Variants in NAV1 observed in about 807,000 individuals in gnomAD.
The protein encoded by NAV1 is pore membrane and/or filament interacting like protein 3.
Under a neutral mutation model 175.2 loss-of-function variants are expected in NAV1, and 18 were observed. That is an observed-to-expected ratio of 0.10 (90% CI 0.07 to 0.15). NAV1 has a LOEUF of 0.15. Ranked by LOEUF, NAV1 falls within the 10% of genes least tolerant of loss-of-function variation. NAV1 has a pLI of 1.00. For synonymous variants in NAV1, 897 were observed against 978.7 expected (o/e 0.92, Z 1.56); for missense variants, 1,731 against 2,436.6 (o/e 0.71, Z 6.10).
chr1:201,798,652 G>A (rs1677616900), intron 15 of NAV1: 1 of 145,574 alleles, frequency 6.9e-6, no homozygotes, highest in Non-Finnish European at 1.5e-5. Flanking sequence ...TTTGAATATG[G>A]ACTAGATATT....
intron 3 of NAV1, among the ~76,000 whole-genome samples, chr1:201,731,094 T>C (rs983260919): frequency 2.0e-5 from 3 of 151,902 alleles, no homozygotes; most frequent in South Asian, 4.2e-4. Context: ...CATAGCTACA[T>C]TGGAGGCAGA....
At chr1:201,712,760 A>AG (rs1671963059) in intron 1 of NAV1, 57 bp from the exon 6 acceptor site, 1 of 1,229,638 alleles carries the variant, frequency 8.1e-7, no homozygotes, top group African/African-American at 1.5e-5. Flanking sequence ...CCTGACCCCC[A>AG]GGATCCCAGC....
intron 1 of NAV1, among the ~76,000 whole-genome samples, chr1:201,580,167 C>T (rs1261815221): frequency 6.6e-6 from 1 of 152,194 alleles, no homozygotes; most frequent in East Asian, 1.9e-4. Context: ...GGACCCTTAG[C>T]AGATTAGATG....
intron 16 of NAV1, 118 bp from the exon 21 acceptor site, chr1:201,804,371 C>A: frequency 9.6e-7 from 1 of 1,042,862 alleles, no homozygotes; most frequent in Non-Finnish European, 1.4e-6. Flanking sequence ...CAGTAAGACA[C>A]ACCCCCAGAC....
At chr1:201,723,126 C>T (rs1307115635) in intron 3 of NAV1, among the ~76,000 whole-genome samples, 1 of 152,132 alleles carries the variant, frequency 6.6e-6, no homozygotes, top group African/African-American at 2.4e-5. Context: ...AAGAAAAAAC[C>T]CATCCTGATG....
intron 1 of NAV1, among the ~76,000 whole-genome samples, chr1:201,586,377 A>G (rs1667027879): frequency 6.6e-6 from 1 of 152,236 alleles, no homozygotes; most frequent in South Asian, 2.1e-4. Context: ...CTGAAGCTAG[A>G]TGGTAGTGAC....
intron 17 of NAV1, among the ~76,000 whole-genome samples, chr1:201,806,046 G>A (rs1257058416): frequency 3.3e-5 from 5 of 149,870 alleles, no homozygotes; most frequent in South Asian, 4.2e-4. Context: ...ATGCAGTGAC[G>A]CGATCTTGGC....
At chr1:201,599,147 A>T (rs1667448375) in intron 2 of NAV1, among the ~76,000 whole-genome samples, 1 of 152,200 alleles carries the variant, frequency 6.6e-6, no homozygotes, top group Non-Finnish European at 1.5e-5. Flanking sequence ...GCCCCCCAGG[A>T]GGCAAAACCC....
intron 1 of NAV1, among the ~76,000 whole-genome samples, chr1:201,544,773 A>G (rs1665621318): frequency 6.6e-6 from 1 of 152,146 alleles, no homozygotes; most frequent in Admixed American, 6.5e-5. Flanking sequence ...TCAGCCTTTC[A>G]ATATTTGGGA....
At chr1:201,716,455 C>T (rs1366083438) in intron 2 of NAV1, among the ~76,000 whole-genome samples, 1 of 152,230 alleles carries the variant, frequency 6.6e-6, no homozygotes, top group East Asian at 1.9e-4. Context: ...GTCGCACCAT[C>T]ACTACAGTCT....
At chr1:201,678,807 C>T (rs1670358485) in intron 1 of NAV1, among the ~76,000 whole-genome samples, 1 of 152,172 alleles carries the variant, frequency 6.6e-6, no homozygotes, top group East Asian at 1.9e-4. Flanking sequence ...TGTCCCCCCT[C>T]CCAACCCAAA....
At position 201,623,224 on chromosome 1, in the gene NAV1, C is replaced by T. The variant is rs924790973; in HGVS notation, c.-483C>T. ...AACCCCGAAAGCAGCCCTCTCCAGC[C>T]GGGCTGGATCCGGAAGAATTGGCGA... is the stretch of plus-strand genomic sequence containing the variant. On this transcript the variant is annotated 5_prime_UTR_variant, in exon 1 of 30. Transcript: ENST00000367302. 4.5e-5 allele frequency: 44 copies of T among 985,882 alleles called. No individual in the cohort carries two copies. In the Middle Eastern group the frequency reaches 1.5e-3, roughly 35 times the overall value. 61.1% of individuals were successfully genotyped at this position (985,882 alleles called of 1,614,324 possible).
intron 3 of NAV1, among the ~76,000 whole-genome samples, chr1:201,731,941 G>A (rs549106064): frequency 6.6e-6 from 1 of 152,276 alleles, no homozygotes; most frequent in East Asian, 1.9e-4. Context: ...TGCTCATGCT[G>A]GAGTGAACTT....
intron 13 of NAV1, chr1:201,793,344 C>CCGT: frequency 1.3e-5 from 2 of 154,930 alleles, no homozygotes; most frequent in Non-Finnish European, 2.9e-5. Context: ...GGAAGAAACG[C>CCGT]ACCAAATAGT....
At chr1:201,825,574 C>T (rs1229151920) in exon 30 of NAV1, 2 of 152,298 alleles carry the variant, frequency 1.3e-5, no homozygotes, top group East Asian at 3.8e-4. Context: ...AGTCCTTGTG[C>T]TCCTCCTCTC....
At chr1:201,809,950 A>G in exon 23 of NAV1, 2 of 1,611,946 alleles carry the variant, frequency 1.2e-6, no homozygotes, top group Non-Finnish European at 8.5e-7. Context: ...TGTCAGGACT[A>G]TATTTCTAAA....
chr1:201,649,863 G>A (rs538876089), intron 1 of NAV1, among the ~76,000 whole-genome samples: 1 of 152,338 alleles, frequency 6.6e-6, no homozygotes, highest in Middle Eastern at 3.4e-3. Flanking sequence ...AGATGTGGGA[G>A]AGCAGATGTG....
At chr1:201,794,328 T>C in intron 14 of NAV1, 138 bp from the exon 19 acceptor site, 1 of 764,728 alleles carries the variant, frequency 1.3e-6, no homozygotes, top group Non-Finnish European at 2.2e-6. Context: ...ATTTTTGTAT[T>C]TTTAATGGAG....
At chr1:201,773,180 C>G (rs914255675) in intron 3 of NAV1, among the ~76,000 whole-genome samples, 2 of 152,108 alleles carry the variant, frequency 1.3e-5, no homozygotes, top group Admixed American at 6.6e-5. Flanking sequence ...TTAATGATGG[C>G]TCATGAATAA....
Sources: gnomAD v4.1 joint callset for allele counts (sites outside exome capture counted in the v4.1 genomes callset) on GRCh38, gnomAD v4.1.1 for gene constraint, MANE v1.5 for transcripts, NCBI Gene and HGNC (gene_info 2026-07-23, HGNC 2026-07-21) for gene names.